LRRIQ1: variants seen among roughly 807,000 people sequenced by gnomAD.
LRRIQ1 encodes the protein leucine rich repeats and IQ motif containing 1.
LRRIQ1 carries 210 observed loss-of-function variants against 211.9 expected under a neutral mutation model. That is an observed-to-expected ratio of 0.99 (90% CI 0.89 to 1.11). The LOEUF (loss-of-function observed/expected upper bound fraction) is 1.11, where lower values mean the gene tolerates loss of function less well. Ranked by LOEUF, LRRIQ1 falls within the 50% of genes most tolerant of loss-of-function variation. The pLI, the probability that LRRIQ1 is intolerant of heterozygous loss-of-function variation, is 0.00. For synonymous variants in LRRIQ1, 699 were observed against 650.1 expected (o/e 1.08, Z -1.14); for missense variants, 2,136 against 1,939.5 (o/e 1.10, Z -1.90).
chr12:85,036,671 T>C (rs1878128625), intron 1 of LRRIQ1, among the ~76,000 whole-genome samples: 2 of 151,960 alleles, frequency 1.3e-5, no homozygotes, highest in African/African-American at 4.8e-5. Context: ...CACAAACCAA[T>C]TGACGTTATT....
chr12:85,040,585 A>G lies in LRRIQ1; in HGVS notation c.228A>G (p.Glu76=). The part of the protein sequence containing the change: ...AVEELILQDL[E]DTDILSCSYG... ...AAGAGCTCATTCTTCAGGACCTGGAAGATACTGATATTTTAAGTAAGTACT... is the reference window on the plus strand; with the variant it reads ...AAGAGCTCATTCTTCAGGACCTGGAGGATACTGATATTTTAAGTAAGTACT... The change falls in exon 3 of 27, where the codon GAA becomes GAG. Residue 76 remains glutamate, a synonymous_variant. Coordinates refer to ENST00000393217, the MANE Select transcript of LRRIQ1 (RefSeq NM_001079910.2). 1 of 1,586,008 alleles carries G rather than the reference A, an allele frequency of 6.3e-7. No individual in the cohort carries two copies.
At position 85,098,471 on chromosome 12, in the gene LRRIQ1, C is replaced by G. The variant is rs1886087888; in HGVS notation, c.3004C>G (p.His1002Asp). The G allele has an allele frequency of 6.2e-7, 1 of 1,612,034 alleles. No individual in the cohort carries two copies. The highest frequency in any genetic ancestry group is 8.5e-7 in the Non-Finnish European group (1 of 1,179,016). ...TGTATACCTAGATTGCTCCCATAAT[C>G]ATCTTACTGATGTAGAGGGCGTTGA... is the stretch of plus-strand genomic sequence containing the variant. The part of the protein sequence containing the change: ...TIVYLDCSHN[H>D]LTDVEGVENC... The change falls in exon 12 of 27, where the codon CAT becomes GAT. Residue 1002 changes from histidine (H) to aspartate (D), a missense_variant. His to Asp is a moderately conservative substitution (Grantham distance 81, BLOSUM62 -1). Coordinates refer to ENST00000393217, the MANE Select transcript of LRRIQ1 (RefSeq NM_001079910.2).
At position 85,154,270 on chromosome 12, in the gene LRRIQ1, A is replaced by C. The variant is rs139515514; in HGVS notation, c.4720+176A>C. On this transcript the variant is annotated intron_variant, in intron 23 of 26. Coordinates refer to ENST00000393217, the MANE Select transcript of LRRIQ1 (RefSeq NM_001079910.2). The stretch of plus-strand genomic sequence containing the variant: ...AGAGAAAATTATGCTATGCCATTGA[A>C]TGATTTATACTCTTAAACACTATTT... 1.2e-4 allele frequency among the ~76,000 whole-genome samples: 18 copies of C among 150,528 alleles called. No individual in the cohort carries two copies. The Admixed American group carries it at 1.2e-3, about 10-fold the overall frequency.
At chr12:85,082,477 A>AT (rs1447337248) in intron 11 of LRRIQ1, among the ~76,000 whole-genome samples, 1 of 110,456 alleles carries the variant, frequency 9.1e-6, no homozygotes. Context: ...TTCTTCAAAT[A>AT]TTTTTTCCTT....
At chr12:85,181,490 T>A (rs1334158300) in intron 24 of LRRIQ1, among the ~76,000 whole-genome samples, 1 of 151,942 alleles carries the variant, frequency 6.6e-6, no homozygotes, top group Non-Finnish European at 1.5e-5. Context: ...GACCTTAAAT[T>A]GTATATGAGA....
At chr12:85,094,250 A>G (rs1381071720) in intron 11 of LRRIQ1, among the ~76,000 whole-genome samples, 1 of 152,168 alleles carries the variant, frequency 6.6e-6, no homozygotes, top group Non-Finnish European at 1.5e-5. Context: ...CATCACCAAC[A>G]AATGGGGCCA....
chr12:85,146,231 T>G (rs2136624353), intron 19 of LRRIQ1, among the ~76,000 whole-genome samples: 2 of 151,884 alleles, frequency 1.3e-5, no homozygotes, highest in South Asian at 2.1e-4. Context: ...TTTCTAGGGC[T>G]ATAGTGCTGT....
At chr12:85,086,921 C>T (rs1475435413) in intron 11 of LRRIQ1, among the ~76,000 whole-genome samples, 2 of 136,404 alleles carry the variant, frequency 1.5e-5, no homozygotes, top group East Asian at 3.9e-4. Context: ...ACGATTGAAT[C>T]TCAGATTGTT....
At chr12:85,181,454 C>T (rs1891977497) in intron 24 of LRRIQ1, among the ~76,000 whole-genome samples, 1 of 151,782 alleles carries the variant, frequency 6.6e-6, no homozygotes, top group Non-Finnish European at 1.5e-5. Context: ...TTTTCCAAAA[C>T]ATAACCTATG....
intron 19 of LRRIQ1, among the ~76,000 whole-genome samples, chr12:85,139,311 G>A (rs1451044656): frequency 6.6e-6 from 1 of 151,436 alleles, no homozygotes; most frequent in Non-Finnish European, 1.5e-5. Context: ...TCAAAGATAT[G>A]TGTAAGAATA....
intron 24 of LRRIQ1, among the ~76,000 whole-genome samples, chr12:85,215,127 T>C (rs1224407587): frequency 2.0e-5 from 3 of 151,942 alleles, no homozygotes; most frequent in Non-Finnish European, 4.4e-5. Flanking sequence ...CACAAACAAA[T>C]AAACAACAAA....
chr12:85,190,310 G>A (rs946641696), intron 24 of LRRIQ1, among the ~76,000 whole-genome samples: 2 of 126,844 alleles, frequency 1.6e-5, no homozygotes, highest in African/African-American at 5.8e-5. Flanking sequence ...GTTATTAACT[G>A]TAACTATACA....
chr12:85,052,554 A>G (rs1464179899), intron 7 of LRRIQ1, among the ~76,000 whole-genome samples: 1 of 151,936 alleles, frequency 6.6e-6, no homozygotes, highest in Non-Finnish European at 1.5e-5. Context: ...ATGAAAGCTT[A>G]CTCTTTTTCC....
chr12:85,102,957 A>ATATATATATATATAT (rs1383729830), intron 13 of LRRIQ1, among the ~76,000 whole-genome samples: 5 of 117,398 alleles, frequency 4.3e-5, no homozygotes, highest in African/African-American at 1.7e-4. Context: ...AAAAAAAAAA[A>ATATATATATATATAT]AAATATATAT....
At chr12:85,067,752 CA>C (rs1882597213) in intron 10 of LRRIQ1, among the ~76,000 whole-genome samples, 1 of 151,686 alleles carries the variant, frequency 6.6e-6, no homozygotes, top group African/African-American at 2.4e-5. Context: ...AGCCTTCTGT[CA>C]AAGTGTTTCT....
chr12:85,065,324 A>G lies in LRRIQ1; in HGVS notation c.2454A>G (p.Thr818=). 1 of 1,611,114 alleles carries G rather than the reference A, an allele frequency of 6.2e-7. No homozygotes were observed. Among genetic ancestry groups the G allele is most frequent in the Non-Finnish European group, 8.5e-7 (1 of 1,178,040 alleles). ...GCVLSTLAEC[T]NLQFLSLRRC... is the part of the protein sequence containing the mutation. Reference sequence around the variant, plus strand: ...TTCTCTCCACACTGGCAGAGTGTACAAATCTTCAGTTTCTATCCCTTCGAC... The same window carrying G: ...TTCTCTCCACACTGGCAGAGTGTACGAATCTTCAGTTTCTATCCCTTCGAC... The change falls in exon 9 of 27, where the codon ACA becomes ACG. Residue 818 remains threonine (T), a synonymous_variant. Transcript: ENST00000393217.
At chr12:85,235,774 C>G (rs912073989) in intron 26 of LRRIQ1, among the ~76,000 whole-genome samples, 4 of 152,100 alleles carry the variant, frequency 2.6e-5, no homozygotes, top group Admixed American at 1.3e-4. Flanking sequence ...CCAAATAAGT[C>G]TATACATTAG....
chr12:85,179,002 T>C (rs993142677), intron 24 of LRRIQ1, among the ~76,000 whole-genome samples: 7 of 151,888 alleles, frequency 4.6e-5, no homozygotes, highest in Non-Finnish European at 1.0e-4. Flanking sequence ...ACACACCTAT[T>C]CCTATGGCAC....
At chr12:85,120,780 AG>A in intron 15 of LRRIQ1, among the ~76,000 whole-genome samples, 2 of 152,266 alleles carry the variant, frequency 1.3e-5, no homozygotes, top group South Asian at 4.1e-4. Context: ...TTATTGAAGG[AG>A]TTCACTTTTC....
Sources: gnomAD v4.1 joint callset for allele counts (sites outside exome capture counted in the v4.1 genomes callset) on GRCh38, gnomAD v4.1.1 for gene constraint, MANE v1.5 for transcripts, NCBI Gene and HGNC (gene_info 2026-07-23, HGNC 2026-07-21) for gene names.